Variants in PKIB observed in about 807,000 individuals in gnomAD.
The protein encoded by PKIB is PKI-beta.
PKIB carries 2 observed loss-of-function variants against 4.5 expected under a neutral mutation model. The observed-to-expected ratio is 0.44, with a 90% CI of 0.18 to 1.39. The LOEUF (loss-of-function observed/expected upper bound fraction) is 1.39, where lower values mean the gene tolerates loss of function less well. Among genes scored for constraint, PKIB ranks in the 40% most tolerant of loss-of-function variants. The probability of loss-of-function intolerance (pLI) is 0.27; values close to 1 mark genes in which losing one functional copy is unlikely to be tolerated. For missense variants in PKIB, 94 were observed against 92.6 expected (o/e 1.02, Z -0.06); for synonymous variants, 38 against 36.0 (o/e 1.06, Z -0.20).
chr6:122,632,757 G>C (rs1376599557), intron 1 of PKIB, among the ~76,000 whole-genome samples: 49 of 152,062 alleles, frequency 3.2e-4, no homozygotes. Flanking sequence ...CAATGTCCTT[G>C]CTCCTTGGTA....
chr6:122,495,881 C>A (rs950894476), intron 2 of PKIB, among the ~76,000 whole-genome samples: 1 of 152,104 alleles, frequency 6.6e-6, no homozygotes, highest in South Asian at 2.1e-4. Flanking sequence ...TATTGTGGTC[C>A]AGAGTGGTCC....
At chr6:122,714,410 T>C (rs556042657) in intron 3 of PKIB, among the ~76,000 whole-genome samples, 6 of 152,312 alleles carry the variant, frequency 3.9e-5, no homozygotes, top group African/African-American at 1.4e-4. Flanking sequence ...TAGTAGTTAA[T>C]GAATATAATT....
At chr6:122,553,595 C>T (rs1772755558) in intron 2 of PKIB, among the ~76,000 whole-genome samples, 1 of 149,406 alleles carries the variant, frequency 6.7e-6, no homozygotes, top group Non-Finnish European at 1.5e-5. Flanking sequence ...ATAGGTCTGT[C>T]TCCCTGAGTT....
Position 122,569,207 on chromosome 6 carries a change from G to T in PKIB, c.-247-16714G>T, listed in dbSNP as rs371849127. ...ACCCACGCTGATAGCTTAACACAAA[G>T]AACATAAACTTTAAGGAGCTTTATA... On this transcript the variant is annotated intron_variant, in intron 2 of 6. Coordinates refer to the PKIB transcript ENST00000392491. Among the ~76,000 whole-genome samples the T allele has an allele frequency of 5.9e-5, 9 of 152,132 alleles. No individual in the cohort carries two copies. In the East Asian group the frequency reaches 7.7e-4, roughly 13 times the overall value.
At chr6:122,547,502 A>AT (rs1480286057) in intron 2 of PKIB, among the ~76,000 whole-genome samples, 3 of 151,706 alleles carry the variant, frequency 2.0e-5, no homozygotes, top group Non-Finnish European at 4.4e-5. Flanking sequence ...AGCCCAGCTA[A>AT]TTTTTTTGTA....
At chr6:122,546,563 G>T (rs1772499649) in intron 2 of PKIB, among the ~76,000 whole-genome samples, 1 of 151,988 alleles carries the variant, frequency 6.6e-6, no homozygotes, top group Non-Finnish European at 1.5e-5. Context: ...GTGTTGTAAT[G>T]TCTAACTATA....
At chr6:122,577,632 G>A (rs758913361) in intron 2 of PKIB, among the ~76,000 whole-genome samples, 6 of 152,082 alleles carry the variant, frequency 3.9e-5, no homozygotes, top group South Asian at 2.1e-4. Context: ...TTATTGGGCC[G>A]GGCGCTGTGG....
chr6:122,615,977 C>T (rs746518597), intron 1 of PKIB, among the ~76,000 whole-genome samples: 25 of 152,156 alleles, frequency 1.6e-4, no homozygotes, highest in Non-Finnish European at 2.5e-4. Context: ...GTTACAGCAG[C>T]TCTATCAAAC....
At chr6:122,534,034 A>G (rs867443521) in intron 2 of PKIB, among the ~76,000 whole-genome samples, 5 of 151,766 alleles carry the variant, frequency 3.3e-5, no homozygotes, top group Non-Finnish European at 2.9e-5. Flanking sequence ...ATATATATAA[A>G]CTTCATCTGT....
chr6:122,691,761 T>C (rs553080484), intron 3 of PKIB, among the ~76,000 whole-genome samples: 2 of 152,262 alleles, frequency 1.3e-5, no homozygotes, highest in African/African-American at 2.4e-5. Context: ...TGGATGTTCA[T>C]TGGTGTTTGG....
intron 1 of PKIB, among the ~76,000 whole-genome samples, chr6:122,612,522 A>G (rs1774803884): frequency 6.6e-6 from 1 of 152,128 alleles, no homozygotes; most frequent in Admixed American, 6.5e-5. Flanking sequence ...TTTTCTGAAC[A>G]TTTTATATAA....
At chr6:122,644,916 A>T (rs918169794) in intron 2 of PKIB, 1 of 152,228 alleles carries the variant, frequency 6.6e-6, no homozygotes. Flanking sequence ...TTAGAGTTGT[A>T]TGGACTGTGA....
intron 2 of PKIB, among the ~76,000 whole-genome samples, chr6:122,544,857 GACAT>G (rs35752065): frequency 0.12 from 18,927 of 151,942 alleles, 1,327 homozygotes; most frequent in East Asian, 0.21. Flanking sequence ...CTTAAAAGAA[GACAT>G]ACATGTGGCA....
chr6:122,667,549 T>C (rs1305894938), intron 2 of PKIB, among the ~76,000 whole-genome samples: 1 of 151,632 alleles, frequency 6.6e-6, no homozygotes, highest in Non-Finnish European at 1.5e-5. Flanking sequence ...AAAATAAAAA[T>C]GAAAATAAAA....
At chr6:122,576,476 G>A (rs571585630) in intron 2 of PKIB, among the ~76,000 whole-genome samples, 2 of 151,698 alleles carry the variant, frequency 1.3e-5, no homozygotes, top group Admixed American at 1.3e-4. Context: ...AGACCATCCT[G>A]GCTAACATGG....
chr6:122,675,888 G>A (rs1180394696), intron 3 of PKIB, among the ~76,000 whole-genome samples: 1 of 151,968 alleles, frequency 6.6e-6, no homozygotes, highest in Non-Finnish European at 1.5e-5. Flanking sequence ...TTGAATTTAA[G>A]AACACAGAGT....
chr6:122,654,422 T>C (rs1397801360), intron 2 of PKIB, among the ~76,000 whole-genome samples: 1 of 152,208 alleles, frequency 6.6e-6, no homozygotes, highest in Non-Finnish European at 1.5e-5. Flanking sequence ...ATGAGAGTTG[T>C]CCTTCCTGCC....
At chr6:122,677,383 C>A (rs1395492087) in intron 3 of PKIB, among the ~76,000 whole-genome samples, 1 of 152,102 alleles carries the variant, frequency 6.6e-6, no homozygotes, top group East Asian at 1.9e-4. Context: ...AAAATTCCTG[C>A]TTTACAGCCT....
chr6:122,712,864 G>C (rs1261159224), intron 3 of PKIB, among the ~76,000 whole-genome samples: 2 of 152,090 alleles, frequency 1.3e-5, no homozygotes, highest in Non-Finnish European at 2.9e-5. Context: ...GTTGTGGGGA[G>C]GAAACAGTTT....
Sources: allele counts gnomAD v4.1 joint callset (sites outside exome capture counted in the v4.1 genomes callset), GRCh38; gene constraint gnomAD v4.1.1; transcripts MANE v1.5; gene names NCBI Gene and HGNC (gene_info 2026-07-23, HGNC 2026-07-21).